The following TRIM25 variants were observed in gnomAD, a reference collection of about 807,000 sequenced individuals.
The protein encoded by TRIM25 is tripartite motif containing 25.
Under a neutral mutation model 65.2 loss-of-function variants are expected in TRIM25, and 45 were observed. The ratio of observed to expected loss-of-function variants is 0.69; its 90% confidence interval spans 0.54 to 0.89. The LOEUF is 0.89. Among genes scored for constraint, TRIM25 ranks in the 40% least tolerant of loss-of-function variants. The pLI, the probability that TRIM25 is intolerant of heterozygous loss-of-function variation, is 0.00. For synonymous variants in TRIM25, 321 were observed against 340.4 expected, an observed-to-expected ratio of 0.94 and a Z score of 0.63; for missense variants, 714 against 803.7, an observed-to-expected ratio of 0.89 and a Z score of 1.35.
At chr17:56,892,331 A>G in intron 8 of TRIM25, 102 bp from the exon 9 acceptor site, 1 of 1,333,490 alleles carries the variant, frequency 7.5e-7, no homozygotes, top group East Asian at 2.3e-5. Context: ...TTATCCATCC[A>G]TGCACCCATC....
intron 1 of TRIM25, among the ~76,000 whole-genome samples, chr17:56,910,944 C>A (rs1196604794): frequency 6.6e-6 from 1 of 152,164 alleles, no homozygotes; most frequent in Non-Finnish European, 1.5e-5. Context: ...TAGGTGTTGG[C>A]AGAGGAAGGC....
intron 3 of TRIM25, among the ~76,000 whole-genome samples, chr17:56,902,102 T>C (rs1909423974): frequency 6.6e-6 from 1 of 152,220 alleles, no homozygotes; most frequent in South Asian, 2.1e-4. Context: ...TCAAGAAGCC[T>C]AGATGTGCAC....
At position 56,889,807 on chromosome 17, in the gene TRIM25, G is replaced by T. The variant is rs1909130983; in HGVS notation, c.*1893C>A. ...GCTTTCGTTTCAGAAAATCAATGAA[G>T]ATGCTTTTGATCATCTTCAAAAGCA... is the stretch of plus-strand genomic sequence containing the variant. On this transcript the variant is annotated 3_prime_UTR_variant, in exon 9 of 9. Coordinates refer to ENST00000316881, the MANE Select transcript of TRIM25 (RefSeq NM_005082.5). The T allele has an allele frequency of 5.0e-6, 2 of 398,486 alleles. No individual in the cohort carries two copies. The highest frequency in any genetic ancestry group is 4.4e-5 in the Admixed American group (1 of 22,716). 24.7% of individuals were successfully genotyped at this position (398,486 alleles called of 1,614,324 possible).
intron 2 of TRIM25, among the ~76,000 whole-genome samples, chr17:56,908,065 C>T (rs572720932): frequency 6.6e-6 from 1 of 152,324 alleles, no homozygotes; most frequent in East Asian, 1.9e-4. Context: ...GAATACATTT[C>T]TGTTGTTGTA....
rs1465298151 is a variant in TRIM25 at position 56,889,976 on chromosome 17, C to T, written c.*1724G>A. 5.0e-6 allele frequency: 2 copies of T among 397,698 alleles called. No individual in the cohort carries two copies. Among genetic ancestry groups the T allele is most frequent in the Non-Finnish European group, 8.8e-6 (2 of 226,200 alleles). 24.6% of individuals were successfully genotyped at this position (397,698 alleles called of 1,614,324 possible). On this transcript the variant is annotated 3_prime_UTR_variant, in exon 9 of 9. Coordinates refer to ENST00000316881, the MANE Select transcript of TRIM25 (RefSeq NM_005082.5). ...TGAAAATCCTTGTTAGGAGATGACA[C>T]CGATCAGGTATGTACCTGCATGTCA...
intron 3 of TRIM25, among the ~76,000 whole-genome samples, chr17:56,902,061 C>A (rs907883469): frequency 1.4e-4 from 21 of 152,156 alleles, no homozygotes; most frequent in Middle Eastern, 3.2e-3. Flanking sequence ...CTGGAAGTCC[C>A]AAACTTTGAG....
Position 56,891,877 on chromosome 17 carries a change from G to A in TRIM25, c.1716C>T (p.Thr572=). 6.2e-7 allele frequency: 1 copy of A among 1,614,256 alleles called. No individual in the cohort carries two copies. Among genetic ancestry groups the A allele is most frequent in the Non-Finnish European group, 8.5e-7 (1 of 1,180,048 alleles). The part of the protein sequence containing the change: ...HNNVEKTLPS[T]KATRVGVLLN... ...GAAGCACGCCCACCCGCGTGGCCTT[G>A]GTGGAGGGCAGGGTTTTCTCCACGT... is the stretch of plus-strand genomic sequence containing the variant. The change falls in exon 9 of 9, where the codon ACC becomes ACT. Residue 572 remains threonine, a synonymous_variant. Transcript: ENST00000316881.
At chr17:56,893,219 C>T (rs188095040) in intron 8 of TRIM25, among the ~76,000 whole-genome samples, 3 of 149,964 alleles carry the variant, frequency 2.0e-5, no homozygotes, top group Admixed American at 6.6e-5. Flanking sequence ...GGGAGCCAAG[C>T]GAGGCACTCA....
chr17:56,911,890 T>C (rs1330096149), intron 1 of TRIM25, among the ~76,000 whole-genome samples: 1 of 148,552 alleles, frequency 6.7e-6, no homozygotes, highest in Non-Finnish European at 1.5e-5. Flanking sequence ...AGATCCTGTC[T>C]CTAAAAGAAG....
intron 3 of TRIM25, among the ~76,000 whole-genome samples, chr17:56,903,277 G>A (rs947802947): frequency 6.6e-6 from 1 of 152,148 alleles, no homozygotes; most frequent in Admixed American, 6.5e-5. Flanking sequence ...GCGTGCGCCT[G>A]TAATCCCAGC....
intron 1 of TRIM25, among the ~76,000 whole-genome samples, chr17:56,910,405 G>A (rs541080928): frequency 2.6e-5 from 4 of 152,252 alleles, no homozygotes; most frequent in East Asian, 1.9e-4. Context: ...ACTGCCCTTC[G>A]ACCTGGCCTC....
At chr17:56,911,834 G>A (rs1042541134) in intron 1 of TRIM25, among the ~76,000 whole-genome samples, 2 of 151,904 alleles carry the variant, frequency 1.3e-5, no homozygotes, top group Non-Finnish European at 2.9e-5. Context: ...TGAGATTACA[G>A]TGAGCTATGA....
Position 56,904,270 on chromosome 17 carries a change from C to T in TRIM25, c.912G>A (p.Glu304=), listed in dbSNP as rs781474115. The T allele has an allele frequency of 1.2e-6, 2 of 1,610,098 alleles. No homozygotes were observed. Among genetic ancestry groups the T allele is most frequent in the African/African-American group, 1.3e-5 (1 of 74,720 alleles). The change falls in exon 3 of 9, where the codon GAG becomes GAA. Residue 304 remains glutamate (E), a synonymous_variant. Coordinates refer to ENST00000316881, the MANE Select transcript of TRIM25 (RefSeq NM_005082.5). Reference sequence around the variant, plus strand: ...GGCGACCTACCTCCAGAAACTCGAACTCATCCCTCTTGGTCAGGCTCTGTT... The same window carrying T: ...GGCGACCTACCTCCAGAAACTCGAATTCATCCCTCTTGGTCAGGCTCTGTT... ...EIEQSLTKRD[E]FEFLEKASKL... is the part of the protein sequence containing the mutation.
At chr17:56,899,234 A>G in intron 4 of TRIM25, 54 bp from the exon 5 acceptor site, 1 of 1,602,854 alleles carries the variant, frequency 6.2e-7, no homozygotes. Context: ...TGACCCTAGC[A>G]GCCAGCTTTG....
At chr17:56,910,942 G>A (rs910606085) in intron 1 of TRIM25, among the ~76,000 whole-genome samples, 3 of 152,214 alleles carry the variant, frequency 2.0e-5, no homozygotes, top group Non-Finnish European at 4.4e-5. Context: ...GGTAGGTGTT[G>A]GCAGAGGAAG....
At position 56,891,917 on chromosome 17, in the gene TRIM25, G is replaced by C. The variant is rs1305409107; in HGVS notation, c.1676C>G (p.Ser559Cys). 17 of 1,614,122 alleles carry C rather than the reference G, an allele frequency of 1.1e-5. No homozygotes were observed. Among genetic ancestry groups the C allele is most frequent in the Non-Finnish European group, 1.4e-5 (16 of 1,180,058 alleles). Residue 559 changes from serine (S) to cysteine (C), a missense_variant, in exon 9 of 9, where the codon TCT (serine) becomes TGT (cysteine). Ser to Cys is a moderately radical substitution (Grantham distance 112). Transcript: ENST00000316881. ...WCVEWFNTKI[S>C]AWHNNVEKTL... is the part of the protein sequence containing the mutation. ...TTTCTCCACGTTATTGTGCCAGGCA[G>C]AGATCTTGGTGTTGAACCACTCCAC... is the stretch of plus-strand genomic sequence containing the variant.
rs1042042561 is a variant in TRIM25, at chr17:56,889,022, A to G, written c.*2678T>C. On this transcript the variant is annotated 3_prime_UTR_variant, in exon 9 of 9. Coordinates refer to ENST00000316881, the MANE Select transcript of TRIM25 (RefSeq NM_005082.5). ...ATCTCCTTAAAGAGTTAACTCTAAA[A>G]AAATATTAAGCTCAAGAAATAACAG... 6.6e-6 allele frequency: 1 copy of G among 152,258 alleles called. No individual in the cohort carries two copies. Among genetic ancestry groups the G allele is most frequent in the African/African-American group, 2.4e-5 (1 of 41,464 alleles). 9.4% of individuals were successfully genotyped at this position (152,258 alleles called of 1,614,324 possible).
rs1909159570 is a variant in TRIM25 at position 56,891,072 on chromosome 17, G to A, written c.*628C>T. The stretch of plus-strand genomic sequence containing the variant: ...AACCATCAATGTGGGGGCGATGGGT[G>A]TGCAGGGTAGGAAGGGAACGCACTA... On this transcript the variant is annotated 3_prime_UTR_variant, in exon 9 of 9. Transcript: ENST00000316881. 1.3e-5 allele frequency: 5 copies of A among 382,444 alleles called. No individual in the cohort carries two copies. The highest frequency in any genetic ancestry group is 1.6e-5 in the Non-Finnish European group (3 of 191,902). The allele number at this position is 382,444 out of a possible 1,614,324, so 23.7% of individuals were successfully genotyped here. A position where few individuals can be genotyped will look rare whatever the true frequency, so the allele number is the denominator to read the frequency against.
chr17:56,898,345 G>A (rs1457106180), intron 5 of TRIM25, among the ~76,000 whole-genome samples: 2 of 152,124 alleles, frequency 1.3e-5, no homozygotes, highest in Non-Finnish European at 2.9e-5. Context: ...GTGGTATATG[G>A]ACATCTCAGT....
Sources: allele counts gnomAD v4.1 joint callset (sites outside exome capture counted in the v4.1 genomes callset), GRCh38; gene constraint gnomAD v4.1.1; transcripts MANE v1.5; gene names NCBI Gene and HGNC (gene_info 2026-07-23, HGNC 2026-07-21).